The following IQCM variants were observed in gnomAD, a reference collection of about 807,000 sequenced individuals.
IQCM encodes the protein IQ motif containing M, also known as IQ domain-containing protein M.
In IQCM, 45 loss-of-function variants were observed where a neutral mutation model predicts 57.6. The observed-to-expected ratio is 0.78, with a 90% CI of 0.62 to 1.00. The LOEUF is 1.00. IQCM is among the 50% of genes least tolerant of loss of function. The pLI is 0.00. For synonymous variants in IQCM, 148 were observed against 158.9 expected (o/e 0.93, Z 0.51); for missense variants, 468 against 511.6 (o/e 0.91, Z 0.82).
intron 12 of IQCM, among the ~76,000 whole-genome samples, chr4:149,467,624 C>T (rs1738997625): frequency 6.6e-6 from 1 of 152,182 alleles, no homozygotes; most frequent in Non-Finnish European, 1.5e-5. Context: ...AAGCCTCATG[C>T]AGAATTCCCA....
At chr4:149,468,181 G>A (rs911074777) in intron 12 of IQCM, among the ~76,000 whole-genome samples, 13 of 152,092 alleles carry the variant, frequency 8.5e-5, no homozygotes, top group African/African-American at 2.4e-4. Flanking sequence ...GCGGGGCATC[G>A]CCTCACCCAG....
chr4:149,698,636 G>A (rs2149808683), intron 5 of IQCM, among the ~76,000 whole-genome samples: 1 of 152,160 alleles, frequency 6.6e-6, no homozygotes, highest in East Asian at 1.9e-4. Flanking sequence ...TGAAAAGTAA[G>A]ATGAAGTTTG....
chr4:149,717,491 T>A (rs1270913629), intron 5 of IQCM, among the ~76,000 whole-genome samples: 2 of 152,208 alleles, frequency 1.3e-5, no homozygotes, highest in Non-Finnish European at 2.9e-5. Context: ...TCAAAATTAG[T>A]AAAATATAAT....
chr4:149,504,567 A>C (rs1331904320), intron 12 of IQCM, among the ~76,000 whole-genome samples: 2 of 152,062 alleles, frequency 1.3e-5, no homozygotes, highest in African/African-American at 4.8e-5. Context: ...GCCTTTGGTA[A>C]GTGACTAGGT....
chr4:149,644,412 T>C (rs1758466152), intron 7 of IQCM, among the ~76,000 whole-genome samples: 1 of 152,222 alleles, frequency 6.6e-6, no homozygotes, highest in Non-Finnish European at 1.5e-5. Context: ...TAGCTTTAAC[T>C]TTTTATTTGA....
At chr4:149,411,998 T>C (rs1204194769) in intron 13 of IQCM, among the ~76,000 whole-genome samples, 1 of 152,186 alleles carries the variant, frequency 6.6e-6, no homozygotes, top group Non-Finnish European at 1.5e-5. Flanking sequence ...GATATCATCA[T>C]ATATTTTAAA....
chr4:149,472,038 G>A (rs1235499045), intron 12 of IQCM, among the ~76,000 whole-genome samples: 5 of 152,144 alleles, frequency 3.3e-5, no homozygotes, highest in Non-Finnish European at 7.3e-5. Flanking sequence ...AAAACTGGAA[G>A]CATTCCCTTT....
chr4:149,524,773 A>G (rs1745994449), intron 12 of IQCM, among the ~76,000 whole-genome samples: 1 of 151,874 alleles, frequency 6.6e-6, no homozygotes, highest in Non-Finnish European at 1.5e-5. Context: ...AAGGAAGAGT[A>G]GAGAAGACAT....
chr4:149,546,521 G>A (rs1748451578), intron 12 of IQCM, among the ~76,000 whole-genome samples: 1 of 152,184 alleles, frequency 6.6e-6, no homozygotes, highest in African/African-American at 2.4e-5. Flanking sequence ...TCTAACTGGT[G>A]TCAGATGGTA....
chr4:149,679,166 C>A (rs1426712570), intron 7 of IQCM, among the ~76,000 whole-genome samples: 1 of 151,436 alleles, frequency 6.6e-6, no homozygotes, highest in Non-Finnish European at 1.5e-5. Context: ...GAAAATGTGA[C>A]ACATATTATG....
At chr4:149,533,836 G>A (rs1747003841) in intron 12 of IQCM, among the ~76,000 whole-genome samples, 2 of 152,008 alleles carry the variant, frequency 1.3e-5, no homozygotes, top group South Asian at 4.2e-4. Context: ...AGATTTGGGT[G>A]GGGACACAGC....
chr4:149,562,693 G>C (rs1750240119), intron 10 of IQCM, among the ~76,000 whole-genome samples: 1 of 152,018 alleles, frequency 6.6e-6, no homozygotes, highest in Non-Finnish European at 1.5e-5. Context: ...TTAAGTATAT[G>C]GAGTGTTTAC....
intron 10 of IQCM, among the ~76,000 whole-genome samples, chr4:149,561,848 G>A (rs978378576): frequency 6.6e-6 from 1 of 152,024 alleles, no homozygotes; most frequent in Non-Finnish European, 1.5e-5. Context: ...TAAAGAACTG[G>A]CACAATAATG....
At chr4:149,401,404 G>C (rs1732610623) in intron 13 of IQCM, among the ~76,000 whole-genome samples, 1 of 151,624 alleles carries the variant, frequency 6.6e-6, no homozygotes, top group Non-Finnish European at 1.5e-5. Flanking sequence ...CACTTCTAAA[G>C]AGAGAGAGAG....
At position 149,637,561 on chromosome 4, in the gene IQCM, C is replaced by T. The variant is rs527630092; in HGVS notation, c.566-16317G>A. Among the ~76,000 whole-genome samples, 493 of 151,974 alleles carry T rather than the reference C, an allele frequency of 3.2e-3. 4 individuals are homozygous for T. Among genetic ancestry groups the T allele is most frequent in the Non-Finnish European group, 2.7e-3 (186 of 67,988 alleles). On this transcript the variant is annotated intron_variant, in intron 7 of 13. Coordinates refer to ENST00000636793, the MANE Select transcript of IQCM (RefSeq NM_001363507.2). Reference sequence around the variant, plus strand: ...ATTTTACCTGGACAGGCAAAAGAAACAAGAATAGCTAAAACAATCTTAAAA... The same window carrying T: ...ATTTTACCTGGACAGGCAAAAGAAATAAGAATAGCTAAAACAATCTTAAAA...
At chr4:149,510,730 A>G (rs1030419845) in intron 12 of IQCM, among the ~76,000 whole-genome samples, 5 of 152,110 alleles carry the variant, frequency 3.3e-5, no homozygotes, top group African/African-American at 1.2e-4. Context: ...TCATAAAATG[A>G]CCCTAAATTT....
intron 7 of IQCM, among the ~76,000 whole-genome samples, chr4:149,662,307 G>A (rs887021889): frequency 2.0e-5 from 3 of 151,942 alleles, no homozygotes; most frequent in African/African-American, 7.2e-5. Flanking sequence ...AAAGATACTT[G>A]ATGTAATTCC....
chr4:149,382,089 T>C (rs960110456), intron 13 of IQCM, among the ~76,000 whole-genome samples: 1 of 152,036 alleles, frequency 6.6e-6, no homozygotes, highest in Non-Finnish European at 1.5e-5. Flanking sequence ...GAAGCATGCA[T>C]TTTCTTCATT....
intron 8 of IQCM, among the ~76,000 whole-genome samples, chr4:149,611,130 G>C (rs1427483643): frequency 6.6e-6 from 1 of 151,886 alleles, no homozygotes; most frequent in East Asian, 1.9e-4. Context: ...TATTATCAGA[G>C]AAATACAAAT....
Sources: allele counts gnomAD v4.1 joint callset (sites outside exome capture counted in the v4.1 genomes callset), GRCh38; gene constraint gnomAD v4.1.1; transcripts MANE v1.5; gene names NCBI Gene and HGNC (gene_info 2026-07-23, HGNC 2026-07-21).